NPC1L1: variants seen among roughly 807,000 people sequenced by gnomAD.
The protein encoded by NPC1L1 is NPC1 like intracellular cholesterol transporter 1.
Under a neutral mutation model 117.0 loss-of-function variants are expected in NPC1L1, and 98 were observed. The ratio of observed to expected loss-of-function variants is 0.84; its 90% confidence interval spans 0.71 to 0.99. The LOEUF is 0.99. Among genes scored for constraint, NPC1L1 ranks in the 50% least tolerant of loss-of-function variants. The pLI is 0.00. For synonymous variants in NPC1L1, 729 were observed against 727.6 expected (o/e 1.00, Z -0.03); for missense variants, 1,540 against 1,710.0 (o/e 0.90, Z 1.75).
Position 44,536,157 on chromosome 7 carries a change from G to A in NPC1L1, c.1854+99C>T. 1.9e-6 allele frequency: 3 copies of A among 1,577,970 alleles called. No individual in the cohort carries two copies. The highest frequency in any genetic ancestry group is 2.2e-5 in the East Asian group (1 of 44,744). Reference sequence around the variant, plus strand: ...GTTCTGAGCAGGCAGCCACTGCCCAGGGTCACTTAGGAAGGGCCAGGGCCA... The same window carrying A: ...GTTCTGAGCAGGCAGCCACTGCCCAAGGTCACTTAGGAAGGGCCAGGGCCA... On this transcript the variant is annotated intron_variant, in intron 4 of 18. Transcript: ENST00000381160. The surrounding 1 kb of genome is among the most constrained non-coding windows in gnomAD (Gnocchi z 4.7).
In NPC1L1 at chr7:44,534,707, A is replaced by G; in HGVS notation, c.1984-78T>C. ...CCCACCAGCCTCAGCTAGGCCAGACAAAGTAGCCGGCAGGCACCCTCAGTG... is the reference window on the plus strand; with the variant it reads ...CCCACCAGCCTCAGCTAGGCCAGACGAAGTAGCCGGCAGGCACCCTCAGTG... On this transcript the variant is annotated intron_variant, in intron 5 of 18. Transcript: ENST00000381160. This position sits in a 1 kb window ranked among gnomAD's most constrained non-coding sequence, Gnocchi z 5.2. 1 of 1,535,512 alleles carries G rather than the reference A, an allele frequency of 6.5e-7. No individual in the cohort carries two copies. The highest frequency in any genetic ancestry group is 8.9e-7 in the Non-Finnish European group (1 of 1,120,242).
At position 44,515,915 on chromosome 7, in the gene NPC1L1, G is replaced by T. The variant is rs1269869945; in HGVS notation, c.3684C>A (p.Gly1228=). The T allele has an allele frequency of 1.2e-6, 2 of 1,614,138 alleles. No individual in the cohort carries two copies. The highest frequency in any genetic ancestry group is 2.2e-5 in the South Asian group (2 of 91,080). Residue 1228 remains glycine, a synonymous_variant, in exon 18 of 19, where the codon GGC becomes GGA. Transcript: ENST00000381160. The part of the protein sequence containing the change: ...MTNLPGILVL[G]LAKAQLIQIF... The stretch of plus-strand genomic sequence containing the variant: ...TCTGAATGAGCTGGGCCTTGGCGAG[G>T]CCCAGGACAAGGATGCCAGGCAGGT...
At chr7:44,530,387 G>A (rs1801661399) in intron 10 of NPC1L1, among the ~76,000 whole-genome samples, 3 of 152,072 alleles carry the variant, frequency 2.0e-5, no homozygotes, top group Admixed American at 2.0e-4. Flanking sequence ...CTGAGGGGAG[G>A]GGAGAATGGG....
At chr7:44,531,002 T>C (rs772741351) in intron 10 of NPC1L1, among the ~76,000 whole-genome samples, 1 of 152,216 alleles carries the variant, frequency 6.6e-6, no homozygotes, top group Non-Finnish European at 1.5e-5. Context: ...GTTCCCCAGA[T>C]GGGACCTAGA....
Position 44,539,737 on chromosome 7 carries a change from G to C in NPC1L1, c.660C>G (p.Phe220Leu), listed in dbSNP as rs746143803. ...CGGCCTGGCCAGGCTCCAAGAGGTGGAAGGTGATGTCCAGTGGGGCCAGAC... is the reference window on the plus strand; with the variant it reads ...CGGCCTGGCCAGGCTCCAAGAGGTGCAAGGTGATGTCCAGTGGGGCCAGAC... ...GNGLAPLDIT[F>L]HLLEPGQAVG... The change falls in exon 2 of 19, where the codon TTC (phenylalanine) becomes TTG (leucine). Residue 220 changes from phenylalanine (F) to leucine (L), a missense_variant. Coordinates refer to ENST00000381160, the MANE Select transcript of NPC1L1 (RefSeq NM_001101648.2). The surrounding 1 kb of genome is among the most constrained non-coding windows in gnomAD (Gnocchi z 4.4). The C allele has an allele frequency of 3.1e-6, 5 of 1,614,178 alleles. No homozygotes were observed. In the East Asian group the frequency reaches 1.1e-4, roughly 36 times the overall value.
At chr7:44,521,258 G>T in intron 12 of NPC1L1, 140 bp from the exon 13 acceptor site, 1 of 1,158,842 alleles carries the variant, frequency 8.6e-7, no homozygotes, top group Non-Finnish European at 1.3e-6. Flanking sequence ...ATTTGCATTT[G>T]TCATTTGTGG....
At chr7:44,521,900 G>T (rs536817314) in intron 11 of NPC1L1, 64 bp from the exon 12 acceptor site, 25 of 1,610,762 alleles carry the variant, frequency 1.6e-5, no homozygotes, top group Non-Finnish European at 1.9e-5. Context: ...TCCTTCTCGT[G>T]GCCCAACCCC....
rs747369290 is a variant in NPC1L1, at chr7:44,538,933, G to A, written c.1464C>T (p.Asn488=). The A allele has an allele frequency of 3.1e-6, 5 of 1,614,254 alleles. No individual in the cohort carries two copies. The Admixed American group carries it at 5.0e-5, about 16-fold the overall frequency. The change falls in exon 2 of 19, where the codon AAC becomes AAT. Residue 488 remains asparagine (N), a synonymous_variant. Coordinates refer to ENST00000381160, the MANE Select transcript of NPC1L1 (RefSeq NM_001101648.2). The surrounding 1 kb of genome is among the most constrained non-coding windows in gnomAD (Gnocchi z 5.9). ...TGTTCTGGAAATACTGCAGGAGGCT[G>A]TTGATGCAGCAGTCGTAGAGACTGG... ...DNTSLYDCCI[N]SLLQYFQNNR...
At chr7:44,524,878 A>G (rs1801462933) in intron 10 of NPC1L1, among the ~76,000 whole-genome samples, 1 of 152,122 alleles carries the variant, frequency 6.6e-6, no homozygotes, top group African/African-American at 2.4e-5. Context: ...GAAACATAAA[A>G]AAGAGCAAAA....
intron 18 of NPC1L1, among the ~76,000 whole-genome samples, chr7:44,514,955 G>A (rs1049975106): frequency 5.3e-5 from 8 of 152,176 alleles, no homozygotes; most frequent in African/African-American, 1.9e-4. Context: ...AGAGGTTGCA[G>A]GGAGCTGAGA....
Position 44,521,118 on chromosome 7 carries a change from T to G in NPC1L1, c.2954A>C (p.Asn985Thr). Residue 985 changes from asparagine to threonine, a missense_variant and splice_region_variant, in exon 13 of 19, where the codon AAC becomes ACC. Physicochemically the swap from Asn to Thr is moderately conservative, Grantham distance 65. Transcript: ENST00000381160. ...NKDKFCPSTV[N>T]SLNCLKNCMS... ...GCAGTTCTTTAGGCAGTTCAGAGAG[T>G]CTGCAGAGAAAGCAGGGGTCTGGGC... 1 of 1,613,832 alleles carries G rather than the reference T, an allele frequency of 6.2e-7. No homozygotes were observed. Among genetic ancestry groups the G allele is most frequent in the East Asian group, 2.2e-5 (1 of 44,842 alleles).
Position 44,541,204 on chromosome 7 carries a change from A to G in NPC1L1, c.54+2T>C. The G allele has an allele frequency of 6.5e-7, 1 of 1,549,724 alleles. No individual in the cohort carries two copies. Among genetic ancestry groups the G allele is most frequent in the Non-Finnish European group, 8.7e-7 (1 of 1,146,800 alleles). On this transcript the variant is annotated splice_donor_variant, in intron 1 of 18. Coordinates refer to ENST00000381160, the MANE Select transcript of NPC1L1 (RefSeq NM_001101648.2). LOFTEE classifies it high-confidence loss of function. ...GAGGTGGAGCCAAGCCCTGGGACTCACCAAGCGCAGGAGCAGGGCCCACAG... is the reference window on the plus strand; with the variant it reads ...GAGGTGGAGCCAAGCCCTGGGACTCGCCAAGCGCAGGAGCAGGGCCCACAG...
intron 10 of NPC1L1, among the ~76,000 whole-genome samples, chr7:44,524,249 A>C (rs1489523960): frequency 6.6e-6 from 1 of 152,228 alleles, no homozygotes; most frequent in Non-Finnish European, 1.5e-5. Flanking sequence ...GCACAGAAAC[A>C]CCAACAGCAA....
intron 15 of NPC1L1, 82 bp downstream of exon 15, chr7:44,517,125 T>A: frequency 6.3e-7 from 1 of 1,587,514 alleles, no homozygotes; most frequent in Non-Finnish European, 8.6e-7. Flanking sequence ...CTCATGCAAC[T>A]CCTTGCAAGC....
In NPC1L1 at chr7:44,538,756, G is replaced by A; in HGVS notation, c.1580+61C>T. On this transcript the variant is annotated intron_variant, in intron 2 of 18. Transcript: ENST00000381160. This position sits in a 1 kb window ranked among gnomAD's most constrained non-coding sequence, Gnocchi z 5.9. The stretch of plus-strand genomic sequence containing the variant: ...GTATGCCCGGCCAGGTTCCCAGGAG[G>A]CCATGGCAGCCCAGCCCCAGCCCCA... The A allele has an allele frequency of 2.6e-6, 4 of 1,553,394 alleles. No homozygotes were observed. Among genetic ancestry groups the A allele is most frequent in the East Asian group, 2.2e-5 (1 of 44,618 alleles).
chr7:44,538,974 G>C lies in NPC1L1; in HGVS notation c.1423C>G (p.Leu475Val). The C allele has an allele frequency of 1.9e-6, 3 of 1,614,222 alleles. No homozygotes were observed. The highest frequency in any genetic ancestry group is 2.5e-6 in the Non-Finnish European group (3 of 1,180,038). The change falls in exon 2 of 19, where the codon CTC becomes GTC. Residue 475 changes from leucine to valine, a missense_variant. Physicochemically the swap from Leu to Val is conservative, Grantham distance 32. Transcript: ENST00000381160. This position sits in a 1 kb window ranked among gnomAD's most constrained non-coding sequence, Gnocchi z 5.9. ...ISLQDICYAPLNPDNTSLYDC... is the reference protein window; with the variant it reads ...ISLQDICYAPVNPDNTSLYDC... ...TAGAGACTGGTATTGTCCGGATTGA[G>C]GGGGGCGTAGCAGATGTCCTGCAGG...
chr7:44,526,546 C>CAAAAAAAAAAAAA (rs372498105), intron 10 of NPC1L1, among the ~76,000 whole-genome samples: 98 of 68,338 alleles, frequency 1.4e-3, no homozygotes, highest in African/African-American at 6.5e-3. Flanking sequence ...GACTCCATCT[C>CAAAAAAAAAAAAA]AAAAAAAAAA....
chr7:44,513,533 T>C lies in NPC1L1; in HGVS notation c.3913A>G (p.Ile1305Val), dbSNP rs1377475348. ...HPSRVSTADN[I>V]YVNHSFEGSI... ...CCTTCAAAGCTGTGGTTGACATAGATGTTGTCAGCTGTGGAGACTCGGGAG... is the reference window on the plus strand; with the variant it reads ...CCTTCAAAGCTGTGGTTGACATAGACGTTGTCAGCTGTGGAGACTCGGGAG... The change falls in exon 19 of 19, where the codon ATC becomes GTC. Residue 1305 changes from isoleucine (I) to valine (V), a missense_variant. Ile to Val is a conservative substitution (Grantham distance 29). This residue lies in a region of NPC1L1 where 742 missense variants were observed against 873.6 expected (regional missense o/e 0.85). Coordinates refer to ENST00000381160, the MANE Select transcript of NPC1L1 (RefSeq NM_001101648.2). 1.2e-6 allele frequency: 2 copies of C among 1,613,996 alleles called. No individual in the cohort carries two copies. Among genetic ancestry groups the C allele is most frequent in the East Asian group, 2.2e-5 (1 of 44,888 alleles).
Position 44,521,596 on chromosome 7 carries a change from C to T in NPC1L1, c.2953+116G>A. Reference sequence around the variant, plus strand: ...GCCACATCTGCACCCATGCCCCCGACAGACCCTGCAGGATGCGTGGGAGAG... The same window carrying T: ...GCCACATCTGCACCCATGCCCCCGATAGACCCTGCAGGATGCGTGGGAGAG... On this transcript the variant is annotated intron_variant, in intron 12 of 18. Transcript: ENST00000381160. 2.6e-6 allele frequency: 4 copies of T among 1,534,808 alleles called. No individual in the cohort carries two copies. In the Admixed American group the frequency reaches 5.0e-5, roughly 19 times the overall value.
Sources: allele counts gnomAD v4.1 joint callset (sites outside exome capture counted in the v4.1 genomes callset), GRCh38; gene constraint gnomAD v4.1.1; regional missense constraint gnomAD v4.1.1; non-coding constraint Gnocchi (gnomAD v3.1); transcripts MANE v1.5; gene names NCBI Gene and HGNC (gene_info 2026-07-23, HGNC 2026-07-21).